PRR16: variants seen among roughly 807,000 people sequenced by gnomAD.
The protein encoded by PRR16 is protein Largen.
PRR16 carries 6 observed loss-of-function variants against 18.2 expected under a neutral mutation model. The observed-to-expected ratio is 0.33, with a 90% CI of 0.18 to 0.65. The LOEUF (loss-of-function observed/expected upper bound fraction) is 0.65. Ranked by LOEUF, PRR16 falls within the 30% of genes least tolerant of loss-of-function variation. The pLI, the probability that PRR16 is intolerant of heterozygous loss-of-function variation, is 0.74. For missense variants in PRR16, 412 were observed against 376.6 expected, an observed-to-expected ratio of 1.09 and a Z score of -0.78; for synonymous variants, 151 against 147.8, an observed-to-expected ratio of 1.02 and a Z score of -0.16.
At chr5:120,559,924 T>A (rs1025773730) in intron 1 of PRR16, among the ~76,000 whole-genome samples, 33 of 152,030 alleles carry the variant, frequency 2.2e-4, no homozygotes, top group Non-Finnish European at 4.4e-5. Flanking sequence ...GATAATTTTT[T>A]ATTTATTTTT....
chr5:120,750,978 TA>T, the PRR16 span, among the ~76,000 whole-genome samples: 1 of 152,152 alleles, frequency 6.6e-6, no homozygotes, highest in Non-Finnish European at 1.5e-5. Context: ...ACCATCATTC[TA>T]TTCTCTGTCT....
At chr5:120,785,961 T>A in the PRR16 span, among the ~76,000 whole-genome samples, 1 of 149,152 alleles carries the variant, frequency 6.7e-6, no homozygotes, top group Non-Finnish European at 1.5e-5. Context: ...GCAATATATA[T>A]ATTTTAGTCA....
intron 1 of PRR16, among the ~76,000 whole-genome samples, chr5:120,571,796 G>A (rs1561551622): frequency 6.6e-6 from 1 of 152,114 alleles, no homozygotes; most frequent in African/African-American, 2.4e-5. Context: ...ACATGGGCTG[G>A]TCCCTCAGCT....
chr5:120,554,236 G>A (rs1006098500), intron 1 of PRR16, among the ~76,000 whole-genome samples: 3 of 151,744 alleles, frequency 2.0e-5, no homozygotes, highest in East Asian at 1.9e-4. Context: ...TTTCTTTTAC[G>A]GGGGTGTCCA....
chr5:120,488,563 C>G (rs555975513), intron 1 of PRR16, among the ~76,000 whole-genome samples: 1 of 152,062 alleles, frequency 6.6e-6, no homozygotes, highest in Non-Finnish European at 1.5e-5. Context: ...GCCTTGCTAG[C>G]GGTCTATCAA....
chr5:120,753,935 AT>A, the PRR16 span, among the ~76,000 whole-genome samples: 2 of 9,176 alleles, frequency 2.2e-4, no homozygotes, highest in Non-Finnish European at 4.3e-3. Context: ...TAAATATTAT[AT>A]ATAATATATG....
At chr5:120,700,394 G>C in the PRR16 span, among the ~76,000 whole-genome samples, 3 of 152,020 alleles carry the variant, frequency 2.0e-5, no homozygotes, top group African/African-American at 7.2e-5. Flanking sequence ...GTGCATGATC[G>C]GTCGCCAAGG....
At chr5:120,665,685 G>A (rs1756348504) in intron 1 of PRR16, among the ~76,000 whole-genome samples, 1 of 152,116 alleles carries the variant, frequency 6.6e-6, no homozygotes, top group South Asian at 2.1e-4. Context: ...TGGCTAGCCA[G>A]TTTTCCCAGC....
intron 1 of PRR16, among the ~76,000 whole-genome samples, chr5:120,535,206 T>C (rs141896897): frequency 3.9e-4 from 59 of 152,222 alleles, no homozygotes; most frequent in African/African-American, 1.2e-3. Flanking sequence ...CTGAGTATCG[T>C]CATGAGGAAG....
intron 1 of PRR16, among the ~76,000 whole-genome samples, chr5:120,658,886 C>A (rs907849086): frequency 1.3e-5 from 2 of 151,668 alleles, no homozygotes; most frequent in Non-Finnish European, 2.9e-5. Flanking sequence ...GTAGTATTTC[C>A]TTCTTTTTTT....
At chr5:120,692,641 AT>A in the PRR16 span, among the ~76,000 whole-genome samples, 2 of 152,094 alleles carry the variant, frequency 1.3e-5, no homozygotes, top group African/African-American at 4.8e-5. Context: ...CAAAGGAGTA[AT>A]TTTTTAGTGT....
At chr5:120,667,984 G>A (rs1042168362) in intron 1 of PRR16, among the ~76,000 whole-genome samples, 1 of 152,110 alleles carries the variant, frequency 6.6e-6, no homozygotes, top group Non-Finnish European at 1.5e-5. Context: ...TTGGTGCAGA[G>A]CTGAGTTCAA....
chr5:120,603,684 A>G (rs367564464), intron 1 of PRR16, among the ~76,000 whole-genome samples: 1 of 151,798 alleles, frequency 6.6e-6, no homozygotes, highest in South Asian at 2.1e-4. Context: ...TTCTTAATGT[A>G]GGGATTTAGT....
intron 1 of PRR16, among the ~76,000 whole-genome samples, chr5:120,634,517 C>T (rs1755164222): frequency 6.6e-6 from 1 of 152,050 alleles, no homozygotes; most frequent in Non-Finnish European, 1.5e-5. Context: ...CTGGCATGTG[C>T]CTGTAATCCC....
chr5:120,583,804 G>C (rs1309527298), intron 1 of PRR16, among the ~76,000 whole-genome samples: 1 of 152,118 alleles, frequency 6.6e-6, no homozygotes, highest in Non-Finnish European at 1.5e-5. Flanking sequence ...GTTACAAAGG[G>C]ATCTCAGACC....
At chr5:120,767,076 G>T in the PRR16 span, among the ~76,000 whole-genome samples, 2 of 151,808 alleles carry the variant, frequency 1.3e-5, no homozygotes, top group Non-Finnish European at 2.9e-5. Context: ...ACTTACATTT[G>T]CTTAAATTTT....
chr5:120,787,128 A>G, the PRR16 span, among the ~76,000 whole-genome samples: 1 of 152,116 alleles, frequency 6.6e-6, no homozygotes, highest in Admixed American at 6.6e-5. Flanking sequence ...TTTATTTTTT[A>G]TTATTTCAAT....
At chr5:120,733,241 C>T in the PRR16 span, among the ~76,000 whole-genome samples, 1 of 151,980 alleles carries the variant, frequency 6.6e-6, no homozygotes. Context: ...AACTCCTGGG[C>T]TCAAGCTCAA....
intron 1 of PRR16, among the ~76,000 whole-genome samples, chr5:120,569,350 G>T (rs1295664561): frequency 1.3e-5 from 2 of 152,144 alleles, no homozygotes; most frequent in Non-Finnish European, 2.9e-5. Flanking sequence ...ATATGCAAAG[G>T]TTAAGGCATG....
Sources: gnomAD v4.1 joint callset for allele counts (sites outside exome capture counted in the v4.1 genomes callset) on GRCh38, gnomAD v4.1.1 for gene constraint, MANE v1.5 for transcripts, NCBI Gene and HGNC (gene_info 2026-07-23, HGNC 2026-07-21) for gene names.